PRKN: variants seen among roughly 807,000 people sequenced by gnomAD.
PRKN encodes E3 ubiquitin-protein ligase parkin.
A neutral mutation model predicts 59.5 loss-of-function variants in PRKN; 56 were observed. The ratio of observed to expected loss-of-function variants is 0.94; its 90% CI spans 0.76 to 1.18. PRKN has a LOEUF of 1.18. Among genes scored for constraint, PRKN ranks in the 50% most tolerant of loss-of-function variants. PRKN has a pLI of 0.00. For missense variants in PRKN, 657 were observed against 596.4 expected (o/e 1.10, Z -1.06); for synonymous variants, 250 against 222.1 (o/e 1.13, Z -1.12).
At chr6:162,053,012 G>A (rs922249520) in intron 5 of PRKN, among the ~76,000 whole-genome samples, 4 of 151,960 alleles carry the variant, frequency 2.6e-5, no homozygotes, top group African/African-American at 4.8e-5. Flanking sequence ...TATGAAATAC[G>A]CACTCTAATT....
At chr6:162,176,173 A>T (rs13215921) in intron 4 of PRKN, among the ~76,000 whole-genome samples, 74,211 of 151,980 alleles carry the variant, frequency 0.49, 19,817 homozygotes, top group Non-Finnish European at 0.61. Flanking sequence ...GGGCCTATTA[A>T]GATTTGGAGA....
At chr6:161,433,289 A>G (rs751728556) in intron 9 of PRKN, among the ~76,000 whole-genome samples, 1 of 152,212 alleles carries the variant, frequency 6.6e-6, no homozygotes, top group Non-Finnish European at 1.5e-5. Flanking sequence ...CGTCCGCGGC[A>G]TCTCAGTAAG....
chr6:162,556,432 T>TC (rs1395559379), intron 1 of PRKN, among the ~76,000 whole-genome samples: 2 of 149,008 alleles, frequency 1.3e-5, no homozygotes, highest in African/African-American at 5.0e-5. Context: ...TCTTTTTTTT[T>TC]CCCCTCTAGT....
intron 2 of PRKN, among the ~76,000 whole-genome samples, chr6:162,329,107 G>A (rs943425711): frequency 1.3e-5 from 2 of 152,098 alleles, no homozygotes; most frequent in Non-Finnish European, 2.9e-5. Flanking sequence ...TAAATATAAT[G>A]GCTAACTCTT....
rs1223418123 is a variant in PRKN, at chr6:161,355,090, A to C, written c.1286-4879T>G. 6.6e-6 allele frequency among the ~76,000 whole-genome samples: 1 copy of C among 152,122 alleles called. No individual in the cohort carries two copies. Among genetic ancestry groups the C allele is most frequent in the African/African-American group, 2.4e-5 (1 of 41,432 alleles). On this transcript the variant is annotated intron_variant, in intron 11 of 11. Transcript: ENST00000366898. This position sits in a 1 kb window ranked among gnomAD's most constrained non-coding sequence, Gnocchi z 6.8. ...GGGACCTCAATTCTGCATCCTACCT[A>C]CTGCTTCAGCTGAGGCTCCTGCGTG...
intron 1 of PRKN, among the ~76,000 whole-genome samples, chr6:162,609,497 T>G (rs1782052443): frequency 6.6e-6 from 1 of 152,238 alleles, no homozygotes; most frequent in Non-Finnish European, 1.5e-5. Context: ...TTTACTCCTA[T>G]AGTTATGATT....
chr6:162,450,363 C>T (rs889785026), intron 1 of PRKN, among the ~76,000 whole-genome samples: 4 of 137,080 alleles, frequency 2.9e-5, no homozygotes, highest in Admixed American at 7.4e-5. Flanking sequence ...TGAATGTAAA[C>T]GCCCCTGTGA....
At chr6:162,369,333 C>G (rs1019818487) in intron 2 of PRKN, among the ~76,000 whole-genome samples, 1 of 152,152 alleles carries the variant, frequency 6.6e-6, no homozygotes, top group African/African-American at 2.4e-5. Context: ...TGTGCCGTCT[C>G]TAGCTAAGAA....
intron 7 of PRKN, among the ~76,000 whole-genome samples, chr6:161,781,275 C>A (rs969100615): frequency 6.6e-5 from 10 of 152,194 alleles, no homozygotes; most frequent in African/African-American, 2.2e-4. Context: ...AAAATAAAAG[C>A]AAATTTCTAT....
At chr6:161,520,223 T>A (rs530529167) in intron 9 of PRKN, among the ~76,000 whole-genome samples, 3 of 96,586 alleles carry the variant, frequency 3.1e-5, no homozygotes, top group African/African-American at 4.5e-5. Context: ...AATCTCTCTA[T>A]GCATTTTTTT....
chr6:162,622,304 T>TTG (rs1554254913), intron 1 of PRKN, among the ~76,000 whole-genome samples: 1 of 76,212 alleles, frequency 1.3e-5, no homozygotes, highest in African/African-American at 4.3e-5. Context: ...TTTTTTTTTG[T>TTG]TTTGTTTTTT....
rs998382762 is a variant in PRKN, at chr6:161,363,970, T to C, written c.1168-3765A>G. On this transcript the variant is annotated intron_variant, in intron 10 of 11. Transcript: ENST00000366898. This position sits in a 1 kb window ranked among gnomAD's most constrained non-coding sequence, Gnocchi z 4.1. The stretch of plus-strand genomic sequence containing the variant: ...GTCAGGAGATTGAGACCATCCTGGC[T>C]AACATGCTGAAACCCCATCTCTACT... Among the ~76,000 whole-genome samples the C allele has an allele frequency of 1.5e-4, 23 of 150,414 alleles. No homozygotes were observed. The highest frequency in any genetic ancestry group is 4.2e-4 in the South Asian group (2 of 4,724).
In PRKN at chr6:161,435,473, T is replaced by C. The variant is rs1178138638; in HGVS notation, c.1084-48596A>G. Among the ~76,000 whole-genome samples, 5 of 152,094 alleles carry C rather than the reference T, an allele frequency of 3.3e-5. No individual in the cohort carries two copies. The East Asian group carries it at 9.7e-4, about 29-fold the overall frequency. On this transcript the variant is annotated intron_variant, in intron 9 of 11. Transcript: ENST00000366898. Reference sequence around the variant, plus strand: ...CTTTGTGCAGAGAGCTTTACAAATATTCATATGAGCTTTATGAATATTTAC... The same window carrying C: ...CTTTGTGCAGAGAGCTTTACAAATACTCATATGAGCTTTATGAATATTTAC...
At chr6:162,019,619 G>A (rs1783057840) in intron 5 of PRKN, among the ~76,000 whole-genome samples, 2 of 152,154 alleles carry the variant, frequency 1.3e-5, no homozygotes. Flanking sequence ...TTTAAGATCT[G>A]GCATGCCAAA....
At chr6:161,605,937 T>C (rs1234061227) in intron 7 of PRKN, among the ~76,000 whole-genome samples, 1 of 152,114 alleles carries the variant, frequency 6.6e-6, no homozygotes, top group Non-Finnish European at 1.5e-5. Flanking sequence ...GATGCGGACA[T>C]GTGTGCAAAC....
rs1781366243 is a variant in PRKN at position 161,582,306 on chromosome 6, A to C, written c.872-12890T>G. On this transcript the variant is annotated intron_variant, in intron 7 of 11. Coordinates refer to ENST00000366898, the MANE Select transcript of PRKN (RefSeq NM_004562.3). The surrounding 1 kb of genome is among the most constrained non-coding windows in gnomAD (Gnocchi z 4.4). ...TTGTTAAAACATTGAGATTACCTTG[A>C]AACAATTTAGAGTCTCTAAAGTTGA... Among the ~76,000 whole-genome samples the C allele has an allele frequency of 6.6e-6, 1 of 152,188 alleles. No homozygotes were observed. The highest frequency in any genetic ancestry group is 1.5e-5 in the Non-Finnish European group (1 of 68,036).
rs889036297 is a variant in PRKN, at chr6:161,385,771, G to A, written c.1167+1023C>T. ...TGCTGTCAGTACCTGGTAAGCTCGCGTTTGAATGTCCCTGAGCTAAAATAA... is the reference window on the plus strand; with the variant it reads ...TGCTGTCAGTACCTGGTAAGCTCGCATTTGAATGTCCCTGAGCTAAAATAA... On this transcript the variant is annotated intron_variant, in intron 10 of 11. Transcript: ENST00000366898. The surrounding 1 kb of genome is among the most constrained non-coding windows in gnomAD (Gnocchi z 4.9). Among the ~76,000 whole-genome samples, 16 of 152,140 alleles carry A rather than the reference G, an allele frequency of 1.1e-4. No homozygotes were observed. The highest frequency in any genetic ancestry group is 1.7e-4 in the African/African-American group (7 of 41,440).
At chr6:162,055,949 A>T (rs1021302700) in intron 4 of PRKN, among the ~76,000 whole-genome samples, 36 of 151,802 alleles carry the variant, frequency 2.4e-4, no homozygotes, top group African/African-American at 8.7e-4. Context: ...ACACACATGC[A>T]TGCCACACAC....
chr6:162,476,195 T>C (rs1429729969), intron 1 of PRKN, among the ~76,000 whole-genome samples: 1 of 152,046 alleles, frequency 6.6e-6, no homozygotes, highest in East Asian at 1.9e-4. Flanking sequence ...GTAGCTGGGA[T>C]TACAGGCATG....
Sources: allele counts gnomAD v4.1 joint callset (sites outside exome capture counted in the v4.1 genomes callset), GRCh38; gene constraint gnomAD v4.1.1; non-coding constraint Gnocchi (gnomAD v3.1); transcripts MANE v1.5; gene names NCBI Gene and HGNC (gene_info 2026-07-23, HGNC 2026-07-21).